Variants in DPF3 observed in about 807,000 individuals in gnomAD.
DPF3 encodes double PHD fingers 3.
In DPF3, 18 loss-of-function variants were observed where a neutral mutation model predicts 56.8. That is an observed-to-expected ratio of 0.32 (90% confidence interval 0.22 to 0.47). DPF3 has a LOEUF of 0.47. Ranked by LOEUF, DPF3 falls within the 20% of genes least tolerant of loss-of-function variation. The pLI is 1.00. For synonymous variants in DPF3, 188 were observed against 180.2 expected (o/e 1.04, Z -0.35); for missense variants, 403 against 488.8 (o/e 0.82, Z 1.65).
At chr14:72,881,783 C>A (rs950951128) in intron 1 of DPF3, among the ~76,000 whole-genome samples, 1 of 150,750 alleles carries the variant, frequency 6.6e-6, no homozygotes, top group African/African-American at 2.4e-5. Context: ...AGGCAAGGGG[C>A]TTCAGGAGGG....
chr14:72,619,898 A>G lies in DPF3; in HGVS notation c.1066+5T>C. 1 of 1,530,100 alleles carries G rather than the reference A, an allele frequency of 6.5e-7. No homozygotes were observed. Among genetic ancestry groups the G allele is most frequent in the Non-Finnish European group, 8.7e-7 (1 of 1,144,296 alleles). The allele number at this position is 1,530,100 out of a possible 1,614,324, so 94.8% of individuals were successfully genotyped here. A position where few individuals can be genotyped will look rare whatever the true frequency, so the allele number is the denominator to read the frequency against. ...TGTTCTTATTGTTGACTTCATCATC[A>G]TTACCTTCTGGGGGCTCAGCCACCG... is the stretch of plus-strand genomic sequence containing the variant. On this transcript the variant is annotated splice_donor_5th_base_variant and intron_variant, in intron 10 of 10. Transcript: ENST00000556509.
intron 1 of DPF3, among the ~76,000 whole-genome samples, chr14:72,831,960 G>T (rs188366883): frequency 1.3e-5 from 2 of 152,186 alleles, no homozygotes; most frequent in Non-Finnish European, 2.9e-5. Flanking sequence ...GCTCATGCCT[G>T]TAATCCCAGC....
At chr14:72,731,725 T>C (rs1404397925) in intron 4 of DPF3, 82 bp downstream of exon 4, 2 of 1,574,670 alleles carry the variant, frequency 1.3e-6, no homozygotes, top group Non-Finnish European at 1.7e-6. Flanking sequence ...GGGGAGGATC[T>C]GGAGCCAAGC....
chr14:72,877,454 G>A (rs1012644388), intron 1 of DPF3, among the ~76,000 whole-genome samples: 19 of 152,214 alleles, frequency 1.2e-4, no homozygotes, highest in African/African-American at 4.3e-4. Context: ...ATTTCTCAGG[G>A]AATCAACACA....
At chr14:72,790,987 C>G (rs1201969820) in intron 1 of DPF3, among the ~76,000 whole-genome samples, 1 of 152,124 alleles carries the variant, frequency 6.6e-6, no homozygotes, top group East Asian at 1.9e-4. Flanking sequence ...TGGCAGGTGC[C>G]GAGAGAGGGA....
At chr14:72,824,561 T>TTG (rs1555510676) in intron 1 of DPF3, among the ~76,000 whole-genome samples, 5 of 151,498 alleles carry the variant, frequency 3.3e-5, no homozygotes, top group Admixed American at 3.3e-4. Context: ...CTTTTTTTTT[T>TTG]TTTGTTTGTT....
intron 5 of DPF3, among the ~76,000 whole-genome samples, chr14:72,716,968 CT>C (rs1004494908): frequency 7.2e-5 from 11 of 152,162 alleles, no homozygotes; most frequent in Admixed American, 1.3e-4. Context: ...CACTGCCCCC[CT>C]AGTCCATCCC....
intron 2 of DPF3, among the ~76,000 whole-genome samples, chr14:72,767,434 A>C (rs1296763101): frequency 3.3e-5 from 5 of 152,238 alleles, no homozygotes; most frequent in Non-Finnish European, 7.3e-5. Flanking sequence ...GCAAAGAAAT[A>C]GAAAATATGA....
intron 6 of DPF3, among the ~76,000 whole-genome samples, chr14:72,703,348 G>T (rs2153574380): frequency 6.6e-6 from 1 of 152,248 alleles, no homozygotes; most frequent in South Asian, 2.1e-4. Flanking sequence ...TGGTGACCCA[G>T]GATCTATCAA....
Position 72,719,069 on chromosome 14 carries a change from C to CTTTTTTT in DPF3, c.525+4557_525+4563dup, listed in dbSNP as rs71448401. 1.3e-3 allele frequency among the ~76,000 whole-genome samples: 130 copies of CTTTTTTT among 100,672 alleles called. 5 individuals carry two copies. Among genetic ancestry groups the CTTTTTTT allele is most frequent in the East Asian group, 2.9e-3 (9 of 3,086 alleles). 66.0% of individuals were successfully genotyped at this position (100,672 alleles called of 152,430 possible). A position where few individuals can be genotyped will look rare whatever the true frequency, so the allele number is the denominator to read the frequency against. Reference sequence around the variant, plus strand: ...ACAGGTGTGAGCCACCGTGCCAGGCCTTTTTTTTTTTTTTTTTTGAGATGG... The same window carrying CTTTTTTT: ...ACAGGTGTGAGCCACCGTGCCAGGCCTTTTTTTTTTTTTTTTTTTTTTTTTGAGATGG... On this transcript the variant is annotated intron_variant, in intron 5 of 10. Transcript: ENST00000556509.
intron 8 of DPF3, among the ~76,000 whole-genome samples, chr14:72,635,859 T>C (rs944744520): frequency 2.6e-5 from 4 of 152,122 alleles, no homozygotes; most frequent in Non-Finnish European, 5.9e-5. Context: ...GAATTAGGGC[T>C]CCAGGAAAAA....
Position 72,879,332 on chromosome 14 carries a change from G to A in DPF3, c.32+14725C>T, listed in dbSNP as rs375341949. Among the ~76,000 whole-genome samples the A allele has an allele frequency of 2.4e-3, 355 of 150,814 alleles. 3 individuals are homozygous for A. The highest frequency in any genetic ancestry group is 0.014 in the Middle Eastern group (4 of 292). ...CAGGAGGTGGAGGTTGCAGTGAGCC[G>A]CACCACTGCACTCCAGCCTGGGTGA... is the stretch of plus-strand genomic sequence containing the variant. On this transcript the variant is annotated intron_variant, in intron 1 of 10. Transcript: ENST00000556509.
At chr14:72,641,327 C>G (rs1480908292) in intron 8 of DPF3, among the ~76,000 whole-genome samples, 1 of 152,216 alleles carries the variant, frequency 6.6e-6, no homozygotes, top group Non-Finnish European at 1.5e-5. Flanking sequence ...ACAATGATCT[C>G]AGGAACATTG....
chr14:72,671,543 G>A (rs563421781), intron 8 of DPF3: 317 of 772,178 alleles, frequency 4.1e-4, no homozygotes, highest in African/African-American at 2.1e-3. Flanking sequence ...CCCACTCCCC[G>A]AAAAGGCATC....
chr14:72,756,304 C>T (rs1355609175), intron 2 of DPF3, among the ~76,000 whole-genome samples: 1 of 152,226 alleles, frequency 6.6e-6, no homozygotes, highest in Non-Finnish European at 1.5e-5. Flanking sequence ...CACACACACA[C>T]AATCAAAAAC....
rs144934315 is a variant in DPF3 at position 72,706,786 on chromosome 14, T to C, written c.604+7637A>G. On this transcript the variant is annotated intron_variant, in intron 6 of 10. Transcript: ENST00000556509. Reference sequence around the variant, plus strand: ...ACTTCTAGGAAACAATAAAGCATTATGCAAAGGTATAGCTGGAACAGTGCT... The same window carrying C: ...ACTTCTAGGAAACAATAAAGCATTACGCAAAGGTATAGCTGGAACAGTGCT... 4.7e-3 allele frequency among the ~76,000 whole-genome samples: 714 copies of C among 152,258 alleles called. 6 individuals are homozygous for C. The highest frequency in any genetic ancestry group is 0.016 in the African/African-American group (685 of 41,548).
intron 1 of DPF3, among the ~76,000 whole-genome samples, chr14:72,879,014 C>T (rs993017352): frequency 1.3e-5 from 2 of 152,252 alleles, no homozygotes; most frequent in East Asian, 3.8e-4. Flanking sequence ...AGCAGGGTAT[C>T]TGCCTGCAGG....
intron 1 of DPF3, chr14:72,880,031 T>C: frequency 2.2e-6 from 3 of 1,368,992 alleles, no homozygotes; most frequent in Non-Finnish European, 2.8e-6. Flanking sequence ...AGAATCCAGT[T>C]TCTCCCTGTC....
intron 1 of DPF3, chr14:72,774,109 A>C (rs1891659741): frequency 2.7e-6 from 1 of 374,748 alleles, no homozygotes; most frequent in African/African-American, 2.1e-5. Flanking sequence ...ACATGGTGAC[A>C]CCCCGTCTCT....
Sources: gnomAD v4.1 joint callset for allele counts (sites outside exome capture counted in the v4.1 genomes callset) on GRCh38, gnomAD v4.1.1 for gene constraint, MANE v1.5 for transcripts, NCBI Gene and HGNC (gene_info 2026-07-23, HGNC 2026-07-21) for gene names.